C1R: variants seen among roughly 807,000 people sequenced by gnomAD.
C1R encodes the protein complement C1r.
Under a neutral mutation model 27.6 loss-of-function variants are expected in C1R, and 15 were observed. The observed-to-expected ratio is 0.54, with a 90% CI of 0.36 to 0.84. C1R has a LOEUF of 0.84. C1R is among the 40% of genes least tolerant of loss of function. C1R has a pLI of 0.01. For synonymous variants in C1R, 253 were observed against 228.8 expected, an observed-to-expected ratio of 1.11 and a Z score of -0.95; for missense variants, 544 against 577.9, an observed-to-expected ratio of 0.94 and a Z score of 0.60.
chr12:7,088,589 C>T, intron 7 of C1R, 21 bp downstream of exon 7: 1 of 719,490 alleles, frequency 1.4e-6, no homozygotes, highest in Non-Finnish European at 2.6e-6. Flanking sequence ...CGGCTCTCTC[C>T]CCTCAGCCCT....
Position 7,086,009 on chromosome 12 carries a change from G to A in C1R, c.1125C>T (p.Asp375=), listed in dbSNP as rs1938151801. 2.5e-6 allele frequency: 1 copy of A among 398,680 alleles called. No homozygotes were observed. Among genetic ancestry groups the A allele is most frequent in the South Asian group, 1.3e-4 (1 of 7,864 alleles). 24.7% of individuals were successfully genotyped at this position (398,680 alleles called of 1,614,324 possible). ...HRAMPRCKIK[D]CGQPRNLPNG... is the part of the protein sequence containing the mutation. ...TAGGCAGGTTTCGGGGCTGCCCACA[G>A]TCCTTGACTTGGAGAGAACACAGGG... The change falls in exon 9 of 11, where the codon GAC becomes GAT. Residue 375 remains aspartate, a synonymous_variant. Coordinates refer to ENST00000647956, the MANE Select transcript of C1R (RefSeq NM_001733.7).
chr12:7,080,996 AG>A lies in C1R; in HGVS notation c.1653del (p.Tyr552ThrfsTer38). The A allele has an allele frequency of 6.2e-7, 1 of 1,614,012 alleles. No individual in the cohort carries two copies. The highest frequency in any genetic ancestry group is 8.5e-7 in the Non-Finnish European group (1 of 1,179,870). On this transcript the variant is annotated frameshift_variant, in exon 11 of 11. Coordinates refer to ENST00000647956, the MANE Select transcript of C1R (RefSeq NM_001733.7). LOFTEE classifies it low-confidence loss of function (END_TRUNC). The surrounding 1 kb of genome is among the most constrained non-coding windows in gnomAD (Gnocchi z 4.9). ...AGGGCGATGTCCCCCTCAAAATTGT[AG>A]GACTCATCCTGACGGTAGTCCGGGT... ...SVHPDYRQDE[S>X]YNFEGDIALL...
At position 7,090,133 on chromosome 12, in the gene C1R, A is replaced by T. The variant is rs750327032; in HGVS notation, c.347T>A (p.Phe116Tyr). Reference protein sequence around the residue: ...MSQGNKMLLTFHTDFSNEENG... With the variant: ...MSQGNKMLLTYHTDFSNEENG... ...CTCCTCGTTGGAGAAGTCTGTGTGG[A>T]AGGTCAGCAGCATCTTGTTCCCTTG... Residue 116 changes from phenylalanine to tyrosine, a missense_variant, in exon 3 of 11, where the codon TTC becomes TAC. By Grantham distance (22) the Phe-to-Tyr change is conservative. This residue lies in a region of C1R where 291 missense variants were observed against 209.0 expected (regional missense o/e 1.39). Transcript: ENST00000647956. The T allele has an allele frequency of 5.1e-6, 4 of 776,808 alleles. No individual in the cohort carries two copies. In the South Asian group the frequency reaches 5.4e-5, roughly 11 times the overall value. 48.1% of individuals were successfully genotyped at this position (776,808 alleles called of 1,614,324 possible).
chr12:7,086,716 G>A lies in C1R; in HGVS notation c.1039-259C>T, dbSNP rs944744378. 2.1e-3 allele frequency: 699 copies of A among 331,018 alleles called. 16 individuals are homozygous for A. The East Asian group carries it at 0.027, about 13-fold the overall frequency. The allele number at this position is 331,018 out of a possible 1,614,324, so 20.5% of individuals were successfully genotyped here. A position where few individuals can be genotyped will look rare whatever the true frequency, so the allele number is the denominator to read the frequency against. On this transcript the variant is annotated intron_variant, in intron 7 of 10. Coordinates refer to ENST00000647956, the MANE Select transcript of C1R (RefSeq NM_001733.7). ...GATAGACCTGATCATCCTCTCTCTAGACTGTGGCCTGTTCCTACTGAGGTC... is the reference window on the plus strand; with the variant it reads ...GATAGACCTGATCATCCTCTCTCTAAACTGTGGCCTGTTCCTACTGAGGTC...
rs749210615 is a variant in C1R, at chr12:7,091,427, C to G, written c.231+25G>C. On this transcript the variant is annotated intron_variant, in intron 2 of 10. Coordinates refer to ENST00000647956, the MANE Select transcript of C1R (RefSeq NM_001733.7). The surrounding 1 kb of genome is among the most constrained non-coding windows in gnomAD (Gnocchi z 5.1). ...CCCAGAGGGCCCAGTTTTGTCTCCC[C>G]TCTGCCCGCCCATCCTGCCCCTACC... 14 of 729,158 alleles carry G rather than the reference C, an allele frequency of 1.9e-5. No homozygotes were observed. The highest frequency in any genetic ancestry group is 3.1e-5 in the Non-Finnish European group (12 of 391,090). 45.2% of individuals were successfully genotyped at this position (729,158 alleles called of 1,614,324 possible). A position where few individuals can be genotyped will look rare whatever the true frequency, so the allele number is the denominator to read the frequency against.
In C1R at chr12:7,091,971, T is replaced by A; in HGVS notation, c.3-291A>T. 1 of 605,028 alleles carries A rather than the reference T, an allele frequency of 1.7e-6. No individual in the cohort carries two copies. The highest frequency in any genetic ancestry group is 2.3e-5 in the Admixed American group (1 of 44,356). 37.5% of individuals were successfully genotyped at this position (605,028 alleles called of 1,614,324 possible). ...GCCCGGACGCGTCCCTCCCCTCCCC[T>A]TCCAGGAATAGGACTGGCTTGGGAC... On this transcript the variant is annotated intron_variant, in intron 1 of 10. Coordinates refer to ENST00000647956, the MANE Select transcript of C1R (RefSeq NM_001733.7). This position sits in a 1 kb window ranked among gnomAD's most constrained non-coding sequence, Gnocchi z 5.1.
At chr12:7,087,461 A>G (rs1389821483) in intron 7 of C1R, 1 of 154,432 alleles carries the variant, frequency 6.5e-6, no homozygotes, top group African/African-American at 2.4e-5. Context: ...TGTGTATGAG[A>G]ACTAGAACGT....
Position 7,088,578 on chromosome 12 carries a change from C to T in C1R, c.1038+32G>A, listed in dbSNP as rs774739951. 3 of 718,958 alleles carry T rather than the reference C, an allele frequency of 4.2e-6. No individual in the cohort carries two copies. In the South Asian group the frequency reaches 4.4e-5, roughly 11 times the overall value. 44.5% of individuals were successfully genotyped at this position (718,958 alleles called of 1,614,324 possible). On this transcript the variant is annotated intron_variant, in intron 7 of 10. Coordinates refer to ENST00000647956, the MANE Select transcript of C1R (RefSeq NM_001733.7). ...CCTGAATTCCTCCTGGGGTGCTGGG[C>T]CGGCTCTCTCCCCTCAGCCCTGGGC...
At position 7,080,779 on chromosome 12, in the gene C1R, A is replaced by C; in HGVS notation, c.1871T>G (p.Leu624Arg). Reference sequence around the variant, plus strand: ...CACATCCATCCTATTCTTTCCCCGGAGCCAGTTCTCACAGGCCTGTGGATT... The same window carrying C: ...CACATCCATCCTATTCTTTCCCCGGCGCCAGTTCTCACAGGCCTGTGGATT... ...VANPQACENW[L>R]RGKNRMDVFS... Residue 624 changes from leucine (L) to arginine (R), a missense_variant, in exon 11 of 11, where the codon CTC (leucine) becomes CGC (arginine). Around this residue, in one of 2 missense-constraint regions of C1R, gnomAD observed 253 missense variants for 368.9 expected, o/e 0.69. Transcript: ENST00000647956. The surrounding 1 kb of genome is among the most constrained non-coding windows in gnomAD (Gnocchi z 4.9). The C allele has an allele frequency of 6.2e-7, 1 of 1,613,908 alleles. No individual in the cohort carries two copies. The highest frequency in any genetic ancestry group is 8.5e-7 in the Non-Finnish European group (1 of 1,179,864).
rs992589044 is a variant in C1R at position 7,084,851 on chromosome 12, G to A, written c.1273+1010C>T. ...GGTAATGGTGTTGGTAATAGTGGTG[G>A]TGATGGTGTTGGTAATGGTGGTAGT... On this transcript the variant is annotated intron_variant, in intron 9 of 10. Transcript: ENST00000647956. 1.3e-4 allele frequency among the ~76,000 whole-genome samples: 19 copies of A among 149,234 alleles called. No individual in the cohort carries two copies. In the South Asian group the frequency reaches 3.4e-3, roughly 26 times the overall value.
rs1938282730 is a variant in C1R, at chr12:7,091,800, C to T, written c.3-120G>A. ...CTGGGCATTCTCCTCTCTGCCCACC[C>T]TGAACCTCACAGACATGTTCTCAGC... On this transcript the variant is annotated intron_variant, in intron 1 of 10. Coordinates refer to ENST00000647956, the MANE Select transcript of C1R (RefSeq NM_001733.7). This position sits in a 1 kb window ranked among gnomAD's most constrained non-coding sequence, Gnocchi z 5.1. The T allele has an allele frequency of 2.8e-6, 2 of 710,270 alleles. No individual in the cohort carries two copies. Among genetic ancestry groups the T allele is most frequent in the African/African-American group, 3.5e-5 (2 of 57,250 alleles). The allele number at this position is 710,270 out of a possible 1,614,324, so 44.0% of individuals were successfully genotyped here. A position where few individuals can be genotyped will look rare whatever the true frequency, so the allele number is the denominator to read the frequency against.
intron 9 of C1R, among the ~76,000 whole-genome samples, chr12:7,083,573 ATAG>A: frequency 7.0e-6 from 1 of 142,436 alleles, no homozygotes; most frequent in South Asian, 2.3e-4. Flanking sequence ...GGTAATGGTG[ATAG>A]TGGTGATGGT....
At chr12:7,081,366 G>T in intron 10 of C1R, 65 bp from the exon 11 acceptor site, 1 of 1,438,792 alleles carries the variant, frequency 7.0e-7, no homozygotes, top group Non-Finnish European at 9.6e-7. Flanking sequence ...TCCTTCTGCA[G>T]CCAGCCAGCT....
chr12:7,092,219 T>C (rs1938293308), intron 1 of C1R, 168 bp downstream of exon 1: 2 of 678,998 alleles, frequency 2.9e-6, no homozygotes, highest in Non-Finnish European at 5.5e-6. Flanking sequence ...CTCTGATCCC[T>C]AGGAGGAGGG....
At chr12:7,085,219 A>G (rs1481205434) in intron 9 of C1R, among the ~76,000 whole-genome samples, 6 of 101,502 alleles carry the variant, frequency 5.9e-5, no homozygotes, top group African/African-American at 8.0e-5. Context: ...TGGTGGTGAT[A>G]ATGGTAGTGG....
rs1938269647 is a variant in C1R, at chr12:7,091,388, T to C, written c.231+64A>G. 2 of 709,980 alleles carry C rather than the reference T, an allele frequency of 2.8e-6. No individual in the cohort carries two copies. The highest frequency in any genetic ancestry group is 3.0e-5 in the South Asian group (2 of 66,820). 44.0% of individuals were successfully genotyped at this position (709,980 alleles called of 1,614,324 possible). A position where few individuals can be genotyped will look rare whatever the true frequency, so the allele number is the denominator to read the frequency against. ...GCTGTGTCTGGGGGTGTGCATGCCA[T>C]ACAGATCCCAGATCCCAGAGGGCCC... On this transcript the variant is annotated intron_variant, in intron 2 of 10. Coordinates refer to ENST00000647956, the MANE Select transcript of C1R (RefSeq NM_001733.7). This position sits in a 1 kb window ranked among gnomAD's most constrained non-coding sequence, Gnocchi z 5.1.
At position 7,081,124 on chromosome 12, in the gene C1R, T is replaced by C. The variant is rs751540025; in HGVS notation, c.1526A>G (p.His509Arg). 162 of 1,613,928 alleles carry C rather than the reference T, an allele frequency of 1.0e-4. No individual in the cohort carries two copies. The highest frequency in any genetic ancestry group is 1.3e-4 in the Non-Finnish European group (159 of 1,179,900). ...TAAHTLYPKE[H>R]EAQSNASLDV... is the part of the protein sequence containing the mutation. ...CAAAGAGGCGTTGCTTTGCGCTTCG[T>C]GTTCCTTGGGATACAGGGTGTGGGC... Residue 509 changes from histidine (H) to arginine (R), a missense_variant, in exon 11 of 11, where the codon CAC becomes CGC. His to Arg is a conservative substitution (Grantham distance 29, BLOSUM62 0). This residue lies in a region of C1R where 253 missense variants were observed against 368.9 expected (regional missense o/e 0.69). Coordinates refer to ENST00000647956, the MANE Select transcript of C1R (RefSeq NM_001733.7).
intron 9 of C1R, among the ~76,000 whole-genome samples, chr12:7,083,137 G>C (rs935436866): frequency 6.6e-6 from 1 of 152,230 alleles, no homozygotes; most frequent in Non-Finnish European, 1.5e-5. Context: ...ACTAGGTTGA[G>C]GGGGAGAATG....
rs1212869046 is a variant in C1R, at chr12:7,086,470, G to A, written c.1039-13C>T. 5.0e-6 allele frequency: 2 copies of A among 398,560 alleles called. No homozygotes were observed. Among genetic ancestry groups the A allele is most frequent in the South Asian group, 1.3e-4 (1 of 7,866 alleles). The allele number at this position is 398,560 out of a possible 1,614,324, so 24.7% of individuals were successfully genotyped here. A position where few individuals can be genotyped will look rare whatever the true frequency, so the allele number is the denominator to read the frequency against. ...GCACCTGGTTCCCCTGTTGAGCAGA[G>A]GATAGAGGTGCCATCAGTGCCAAGA... On this transcript the variant is annotated splice_polypyrimidine_tract_variant and intron_variant, in intron 7 of 10. Transcript: ENST00000647956.
Sources: allele counts gnomAD v4.1 joint callset (sites outside exome capture counted in the v4.1 genomes callset), GRCh38; gene constraint gnomAD v4.1.1; regional missense constraint gnomAD v4.1.1; non-coding constraint Gnocchi (gnomAD v3.1); transcripts MANE v1.5; gene names NCBI Gene and HGNC (gene_info 2026-07-23, HGNC 2026-07-21).